OVOL2: variants seen among roughly 807,000 people sequenced by gnomAD.
OVOL2 encodes ovo like zinc finger 2.
Under a neutral mutation model 18.1 loss-of-function variants are expected in OVOL2, and 13 were observed. The ratio of observed to expected loss-of-function variants is 0.72; its 90% CI spans 0.47 to 1.14. The LOEUF is 1.14. Among genes scored for constraint, OVOL2 ranks in the 50% most tolerant of loss-of-function variants. OVOL2 has a pLI of 0.00. For synonymous variants in OVOL2, 166 were observed against 162.7 expected (o/e 1.02, Z -0.16); for missense variants, 335 against 383.0 (o/e 0.87, Z 1.05).
At chr20:18,043,427 T>C (rs753360429) in intron 2 of OVOL2, among the ~76,000 whole-genome samples, 4 of 152,122 alleles carry the variant, frequency 2.6e-5, no homozygotes, top group Admixed American at 6.5e-5. Context: ...ACATAAGAAG[T>C]CTGAGGCTAC....
At chr20:18,027,174 A>G (rs1600432142) in intron 3 of OVOL2, among the ~76,000 whole-genome samples, 1 of 152,082 alleles carries the variant, frequency 6.6e-6, no homozygotes. Flanking sequence ...AGAATCTCAC[A>G]TGACAGATTC....
At chr20:18,031,197 G>T (rs1286577194) in intron 3 of OVOL2, among the ~76,000 whole-genome samples, 2 of 152,210 alleles carry the variant, frequency 1.3e-5, no homozygotes, top group Admixed American at 6.5e-5. Flanking sequence ...CGGATCTGCT[G>T]CTTATTAACT....
chr20:18,041,587 C>A lies in OVOL2; in HGVS notation c.458G>T (p.Gly153Val). The A allele has an allele frequency of 6.2e-7, 1 of 1,614,148 alleles. No homozygotes were observed. The highest frequency in any genetic ancestry group is 8.5e-7 in the Non-Finnish European group (1 of 1,180,016). The change falls in exon 3 of 4, where the codon GGC becomes GTC. Residue 153 changes from glycine to valine, a missense_variant. Transcript: ENST00000278780. Reference protein sequence around the residue: ...QVKRHLCTFCGKGFNDTFDLK... With the variant: ...QVKRHLCTFCVKGFNDTFDLK... ...GTCGAAGGTGTCGTTGAAGCCCTTG[C>A]CGCAGAAGGTGCACAGGTGTCTTTT...
At chr20:18,028,688 G>A (rs958643156) in intron 3 of OVOL2, among the ~76,000 whole-genome samples, 4 of 152,004 alleles carry the variant, frequency 2.6e-5, no homozygotes, top group African/African-American at 9.7e-5. Context: ...AGCTACCTGG[G>A]AGAATGAGGC....
Position 18,057,830 on chromosome 20 carries a change from C to T in OVOL2, c.-196G>A, listed in dbSNP as rs573033634. On this transcript the variant is annotated 5_prime_UTR_variant, in exon 1 of 4. Transcript: ENST00000278780. This position sits in a 1 kb window ranked among gnomAD's most constrained non-coding sequence, Gnocchi z 6.3. ...CCTGGCGACTCCCAGCCTCCCGGCT[C>T]GGCGACACCTATGCCTTAAATCGCG... The T allele has an allele frequency of 4.7e-5, 64 of 1,364,418 alleles. No homozygotes were observed. Among genetic ancestry groups the T allele is most frequent in the Admixed American group, 7.5e-5 (2 of 26,692 alleles). 84.5% of individuals were successfully genotyped at this position (1,364,418 alleles called of 1,614,324 possible).
intron 2 of OVOL2, among the ~76,000 whole-genome samples, chr20:18,053,202 T>C (rs1455879211): frequency 6.6e-6 from 1 of 152,222 alleles, no homozygotes; most frequent in East Asian, 1.9e-4. Flanking sequence ...AACAAAATGT[T>C]GGGCATTAAA....
intron 2 of OVOL2, among the ~76,000 whole-genome samples, chr20:18,050,280 C>G (rs909170585): frequency 6.6e-6 from 1 of 152,110 alleles, no homozygotes; most frequent in Non-Finnish European, 1.5e-5. Flanking sequence ...AATTCAGCCC[C>G]GAGTTAACTG....
Position 18,053,529 on chromosome 20 carries a change from C to A in OVOL2, c.321+3128G>T, listed in dbSNP as rs963037311. On this transcript the variant is annotated intron_variant, in intron 2 of 3. Transcript: ENST00000278780. ...CAGCCTGGACAACATGGCGAAACTT[C>A]GTCTCTATTAAAAATACAAAAATCA... Among the ~76,000 whole-genome samples, 3 of 152,018 alleles carry A rather than the reference C, an allele frequency of 2.0e-5. No individual in the cohort carries two copies. The South Asian group carries it at 6.2e-4, about 32-fold the overall frequency.
At chr20:18,031,371 T>G (rs1311283322) in intron 3 of OVOL2, among the ~76,000 whole-genome samples, 1 of 152,054 alleles carries the variant, frequency 6.6e-6, no homozygotes, top group Non-Finnish European at 1.5e-5. Flanking sequence ...AGCTGGCTGC[T>G]GACCAGCCTG....
intron 2 of OVOL2, among the ~76,000 whole-genome samples, chr20:18,049,981 G>A (rs1312565464): frequency 1.3e-5 from 2 of 152,184 alleles, no homozygotes; most frequent in African/African-American, 2.4e-5. Context: ...AAAGGTTGAG[G>A]ATCCTTGGGT....
chr20:18,056,531 G>A lies in OVOL2; in HGVS notation c.321+126C>T. ...CCAGGGGCAGGTGCAGGAGCGGCGC[G>A]GCGGGCGCGCTCGGGGCGCGGGTGC... On this transcript the variant is annotated intron_variant, in intron 2 of 3. Coordinates refer to ENST00000278780, the MANE Select transcript of OVOL2 (RefSeq NM_021220.4). This position sits in a 1 kb window ranked among gnomAD's most constrained non-coding sequence, Gnocchi z 4.2. The A allele has an allele frequency of 1.9e-6, 2 of 1,050,168 alleles. No homozygotes were observed. Among genetic ancestry groups the A allele is most frequent in the Non-Finnish European group, 2.3e-6 (2 of 873,364 alleles). 65.1% of individuals were successfully genotyped at this position (1,050,168 alleles called of 1,614,324 possible). A position where few individuals can be genotyped will look rare whatever the true frequency, so the allele number is the denominator to read the frequency against.
intron 2 of OVOL2, among the ~76,000 whole-genome samples, chr20:18,042,917 A>G (rs564968422): frequency 3.3e-5 from 5 of 152,162 alleles, no homozygotes; most frequent in East Asian, 3.9e-4. Flanking sequence ...CACCAGCCCT[A>G]TGCTTCTTGT....
upstream of OVOL2, among the ~76,000 whole-genome samples, chr20:18,058,379 G>A (rs964942824): frequency 2.0e-5 from 3 of 150,750 alleles, no homozygotes; most frequent in Admixed American, 1.3e-4. Context: ...GGGCTTAGGG[G>A]CTTAAGCTTT....
chr20:18,028,672 A>C (rs1269212853), intron 3 of OVOL2, among the ~76,000 whole-genome samples: 1 of 152,048 alleles, frequency 6.6e-6, no homozygotes, highest in East Asian at 2.0e-4. Flanking sequence ...CCACATCTGT[A>C]ATCTCAGCTA....
At position 18,052,921 on chromosome 20, in the gene OVOL2, G is replaced by A. The variant is rs1327578777; in HGVS notation, c.321+3736C>T. On this transcript the variant is annotated intron_variant, in intron 2 of 3. Coordinates refer to ENST00000278780, the MANE Select transcript of OVOL2 (RefSeq NM_021220.4). ...AGTATTTCCTGGGTTTCTCTACCCC[G>A]CAGCTGAAGACCTGCAGATGGATCC... Among the ~76,000 whole-genome samples, 6 of 152,274 alleles carry A rather than the reference G, an allele frequency of 3.9e-5. No homozygotes were observed. In the South Asian group the frequency reaches 1.2e-3, roughly 32 times the overall value.
At chr20:18,029,246 C>G (rs982716192) in intron 3 of OVOL2, among the ~76,000 whole-genome samples, 1 of 152,068 alleles carries the variant, frequency 6.6e-6, no homozygotes, top group Admixed American at 6.6e-5. Flanking sequence ...CCAGGCTGAT[C>G]TTGAACTCCT....
At chr20:18,028,751 C>A (rs2036541900) in intron 3 of OVOL2, among the ~76,000 whole-genome samples, 1 of 151,956 alleles carries the variant, frequency 6.6e-6, no homozygotes, top group African/African-American at 2.4e-5. Context: ...TGAGATAGTG[C>A]CACCGCACTC....
intron 2 of OVOL2, among the ~76,000 whole-genome samples, chr20:18,053,701 CAAAA>C (rs3078037): frequency 9.3e-5 from 10 of 106,996 alleles, no homozygotes; most frequent in Admixed American, 2.1e-4. Flanking sequence ...GACTCTGTCT[CAAAA>C]AAAAAAAAAA....
intron 3 of OVOL2, among the ~76,000 whole-genome samples, chr20:18,034,187 C>T (rs2036594512): frequency 6.6e-6 from 1 of 152,114 alleles, no homozygotes. Flanking sequence ...TCTGGCTGTC[C>T]CCTTCTTTAA....
Sources: allele counts gnomAD v4.1 joint callset (sites outside exome capture counted in the v4.1 genomes callset), GRCh38; gene constraint gnomAD v4.1.1; non-coding constraint Gnocchi (gnomAD v3.1); transcripts MANE v1.5; gene names NCBI Gene and HGNC (gene_info 2026-07-23, HGNC 2026-07-21).